The following HACD2 variants were observed in gnomAD, a reference collection of about 807,000 sequenced individuals.
The protein encoded by HACD2 is 3-hydroxyacyl-CoA dehydratase 2.
In HACD2, 15 loss-of-function variants were observed where a neutral mutation model predicts 31.0. That is an observed-to-expected ratio of 0.48 (90% CI 0.32 to 0.75). HACD2 has a LOEUF of 0.75. HACD2 is among the 30% of genes least tolerant of loss of function. The pLI is 0.03. For synonymous variants in HACD2, 115 were observed against 122.2 expected, an observed-to-expected ratio of 0.94 and a Z score of 0.39; for missense variants, 283 against 313.0, an observed-to-expected ratio of 0.90 and a Z score of 0.72.
At chr3:123,544,077 T>C (rs1177247009) in intron 3 of HACD2, among the ~76,000 whole-genome samples, 1 of 152,156 alleles carries the variant, frequency 6.6e-6, no homozygotes, top group Non-Finnish European at 1.5e-5. Context: ...ACAAATGACT[T>C]TGCCCAGCTC....
intron 4 of HACD2, among the ~76,000 whole-genome samples, chr3:123,527,856 G>A (rs1370765484): frequency 6.6e-6 from 1 of 152,202 alleles, no homozygotes; most frequent in Non-Finnish European, 1.5e-5. Flanking sequence ...ACAGAAACGT[G>A]TTTCGGTCAG....
chr3:123,563,642 T>TACACAC (rs765094189), intron 3 of HACD2, among the ~76,000 whole-genome samples: 148 of 105,210 alleles, frequency 1.4e-3, no homozygotes, highest in Admixed American at 3.7e-3. Context: ...AAAAAATATA[T>TACACAC]ATACACACAC....
intron 4 of HACD2, among the ~76,000 whole-genome samples, chr3:123,510,681 G>A (rs369636423): frequency 6.6e-6 from 1 of 152,316 alleles, no homozygotes. Flanking sequence ...GGACATTTGG[G>A]CTGTTCCTAT....
intron 3 of HACD2, among the ~76,000 whole-genome samples, chr3:123,557,315 C>A (rs1354191141): frequency 6.6e-6 from 1 of 152,198 alleles, no homozygotes; most frequent in East Asian, 1.9e-4. Flanking sequence ...ACCCCCTCCC[C>A]TTATCCCCAG....
At chr3:123,542,146 CAAAAAAAA>C (rs11391480) in intron 3 of HACD2, among the ~76,000 whole-genome samples, 14 of 41,102 alleles carry the variant, frequency 3.4e-4, no homozygotes, top group African/African-American at 1.7e-3. Flanking sequence ...GACTCCGTCT[CAAAAAAAA>C]AAAAAAAAAA....
intron 3 of HACD2, among the ~76,000 whole-genome samples, chr3:123,530,565 T>A (rs2056346876): frequency 6.6e-6 from 1 of 152,134 alleles, no homozygotes; most frequent in African/African-American, 2.4e-5. Context: ...TAAGCCACCA[T>A]GCCCGGCTAA....
At chr3:123,549,590 A>G (rs1405892485) in intron 3 of HACD2, among the ~76,000 whole-genome samples, 1 of 152,162 alleles carries the variant, frequency 6.6e-6, no homozygotes, top group Non-Finnish European at 1.5e-5. Flanking sequence ...TCTACCAAAA[A>G]TACAAAACTT....
chr3:123,567,810 A>C (rs749989999), intron 2 of HACD2, 30 bp from the exon 3 acceptor site: 5 of 1,411,146 alleles, frequency 3.5e-6, no homozygotes, highest in Non-Finnish European at 4.8e-6. Context: ...AAAAGAGGAG[A>C]ATTAGTAAGA....
chr3:123,531,699 C>T (rs886521696), intron 3 of HACD2, among the ~76,000 whole-genome samples: 2 of 152,212 alleles, frequency 1.3e-5, no homozygotes, highest in Non-Finnish European at 2.9e-5. Flanking sequence ...TTCCTCTAAG[C>T]ATATTTTAAA....
chr3:123,532,225 T>C (rs1452438994), intron 3 of HACD2, among the ~76,000 whole-genome samples: 1 of 152,224 alleles, frequency 6.6e-6, no homozygotes, highest in Non-Finnish European at 1.5e-5. Context: ...GCTTCTACCG[T>C]TCTCTATCCA....
At chr3:123,580,863 T>TA in intron 2 of HACD2, among the ~76,000 whole-genome samples, 1 of 150,278 alleles carries the variant, frequency 6.7e-6, no homozygotes, top group Non-Finnish European at 1.5e-5. Context: ...ATTTTTTTTT[T>TA]TTTTTTTTTT....
intron 4 of HACD2, among the ~76,000 whole-genome samples, chr3:123,513,915 TG>T (rs1284978629): frequency 6.6e-6 from 1 of 152,188 alleles, no homozygotes. Flanking sequence ...CAAGTACTTA[TG>T]GGTGATAGGA....
chr3:123,559,762 C>G (rs1164616647), intron 3 of HACD2, among the ~76,000 whole-genome samples: 1 of 152,200 alleles, frequency 6.6e-6, no homozygotes, highest in Non-Finnish European at 1.5e-5. Context: ...GCAGGGACAG[C>G]AGAGGATAAA....
At chr3:123,541,552 G>C (rs897084555) in intron 3 of HACD2, among the ~76,000 whole-genome samples, 10 of 152,186 alleles carry the variant, frequency 6.6e-5, no homozygotes, top group African/African-American at 2.4e-4. Flanking sequence ...CTATGTAAGA[G>C]AGCAAGGAAC....
Position 123,522,414 on chromosome 3 carries a change from A to C in HACD2, c.381+5972T>G, listed in dbSNP as rs182938367. Among the ~76,000 whole-genome samples, 5 of 152,102 alleles carry C rather than the reference A, an allele frequency of 3.3e-5. No individual in the cohort carries two copies. The East Asian group carries it at 5.8e-4, about 18-fold the overall frequency. On this transcript the variant is annotated intron_variant, in intron 4 of 6. Transcript: ENST00000383657. ...ATCTAAATATTTTTTCAATATTTTG[A>C]AATAAAATCTTCATACACAGTACAA...
At chr3:123,509,987 C>T (rs973623691) in intron 4 of HACD2, among the ~76,000 whole-genome samples, 14 of 152,008 alleles carry the variant, frequency 9.2e-5, no homozygotes, top group Admixed American at 5.9e-4. Context: ...TTTCTTTGTA[C>T]GTGTGGATAA....
At chr3:123,524,105 T>G (rs530725768) in intron 4 of HACD2, among the ~76,000 whole-genome samples, 1 of 152,306 alleles carries the variant, frequency 6.6e-6, no homozygotes, top group East Asian at 1.9e-4. Flanking sequence ...ATGCTGAGAT[T>G]GGGTTAGGCT....
intron 6 of HACD2, among the ~76,000 whole-genome samples, chr3:123,498,348 G>A (rs1331746386): frequency 6.6e-6 from 1 of 152,220 alleles, no homozygotes; most frequent in Non-Finnish European, 1.5e-5. Context: ...ACTGCAAGGG[G>A]GAATTACTTA....
chr3:123,537,584 T>TACAC (rs1392587126), intron 3 of HACD2, among the ~76,000 whole-genome samples: 2 of 139,440 alleles, frequency 1.4e-5, no homozygotes, highest in Admixed American at 6.9e-5. Flanking sequence ...CAAATACACA[T>TACAC]ACACACACAC....
Sources: allele counts gnomAD v4.1 joint callset (sites outside exome capture counted in the v4.1 genomes callset), GRCh38; gene constraint gnomAD v4.1.1; transcripts MANE v1.5; gene names NCBI Gene and HGNC (gene_info 2026-07-23, HGNC 2026-07-21).